The following LNP1 variants were observed in gnomAD, a reference collection of about 807,000 sequenced individuals.
The protein encoded by LNP1 is leukemia NUP98 fusion partner 1.
A neutral mutation model predicts 14.5 loss-of-function variants in LNP1; 12 were observed. The ratio of observed to expected loss-of-function variants is 0.83; its 90% CI spans 0.53 to 1.34. The LOEUF (loss-of-function observed/expected upper bound fraction) is 1.34, where lower values mean the gene tolerates loss of function less well. LNP1 is among the 40% of genes most tolerant of loss of function. The pLI is 0.00. For synonymous variants in LNP1, 75 were observed against 71.4 expected (o/e 1.05, Z -0.26); for missense variants, 198 against 210.9 (o/e 0.94, Z 0.38).
chr3:100,430,007 G>A, intron 2 of LNP1, 122 bp downstream of exon 2: 1 of 961,538 alleles, frequency 1.0e-6, no homozygotes, highest in African/African-American at 1.6e-5. Flanking sequence ...GTACTTCTGA[G>A]TCTTTCTCAT....
Position 100,416,690 on chromosome 3 carries a change from A to T in LNP1, c.-33-13007A>T, listed in dbSNP as rs560158225. ...TTTTTTTAAAAAAAATATTTTGGTT[A>T]AATATATAAATACATTTTTTTGTTT... On this transcript the variant is annotated intron_variant, in intron 1 of 3. Coordinates refer to ENST00000383693, the MANE Select transcript of LNP1 (RefSeq NM_001085451.2). 1.2e-4 allele frequency among the ~76,000 whole-genome samples: 18 copies of T among 145,646 alleles called. No homozygotes were observed. The East Asian group carries it at 2.6e-3, about 21-fold the overall frequency.
intron 2 of LNP1, among the ~76,000 whole-genome samples, chr3:100,449,161 G>C (rs970652805): frequency 6.6e-6 from 1 of 152,066 alleles, no homozygotes; most frequent in Non-Finnish European, 1.5e-5. Flanking sequence ...CTGAGCTTTG[G>C]GCAGAGCCCA....
intron 2 of LNP1, among the ~76,000 whole-genome samples, chr3:100,433,865 T>C (rs1159329280): frequency 2.0e-5 from 3 of 152,240 alleles, no homozygotes; most frequent in Non-Finnish European, 4.4e-5. Flanking sequence ...AAATGTCTTC[T>C]TTTGAGAAGT....
rs192676657 is a variant in LNP1, at chr3:100,444,017, A to G, written c.157-7702A>G. On this transcript the variant is annotated intron_variant, in intron 2 of 3. Transcript: ENST00000383693. ...CAGTGTTTTAGGCAAAAAGTTAAAA[A>G]GATTACTTCAGACTTCTATAATTAG... 8.1e-4 allele frequency among the ~76,000 whole-genome samples: 124 copies of G among 152,360 alleles called. 2 individuals carry two copies. Among genetic ancestry groups the G allele is most frequent in the Non-Finnish European group, 3.5e-4 (24 of 68,040 alleles).
chr3:100,439,913 T>C (rs1345364893), intron 2 of LNP1, among the ~76,000 whole-genome samples: 3 of 152,200 alleles, frequency 2.0e-5, no homozygotes, highest in Non-Finnish European at 2.9e-5. Context: ...AGTTTCTAGG[T>C]ATGCATATCT....
intron 1 of LNP1, among the ~76,000 whole-genome samples, chr3:100,418,355 G>A (rs141937282): frequency 6.3e-4 from 96 of 151,840 alleles, no homozygotes; most frequent in South Asian, 4.0e-3. Flanking sequence ...ACCATGCTCC[G>A]CTTCACATCA....
chr3:100,421,841 C>T (rs1263202610), intron 1 of LNP1, among the ~76,000 whole-genome samples: 1 of 152,110 alleles, frequency 6.6e-6, no homozygotes, highest in Non-Finnish European at 1.5e-5. Context: ...TATGGAGGTT[C>T]AAGTTTTTTT....
chr3:100,406,927 A>G (rs1576224051), intron 1 of LNP1, among the ~76,000 whole-genome samples: 1 of 152,198 alleles, frequency 6.6e-6, no homozygotes. Context: ...AACTTTGATT[A>G]TTTACACATA....
chr3:100,416,265 C>T (rs1707082823), intron 1 of LNP1, among the ~76,000 whole-genome samples: 1 of 152,020 alleles, frequency 6.6e-6, no homozygotes, highest in Non-Finnish European at 1.5e-5. Flanking sequence ...CCATCTGTGG[C>T]TTTGAGTCTT....
At chr3:100,412,100 A>G (rs1707036991) in intron 1 of LNP1, among the ~76,000 whole-genome samples, 1 of 152,194 alleles carries the variant, frequency 6.6e-6, no homozygotes, top group Admixed American at 6.5e-5. Context: ...GCTGAGAAGT[A>G]TGGCGCTGGC....
At chr3:100,417,371 CTTTTTTTTTTTTTTTT>C (rs562000656) in intron 1 of LNP1, among the ~76,000 whole-genome samples, 2 of 64,628 alleles carry the variant, frequency 3.1e-5, no homozygotes, top group African/African-American at 1.1e-4. Context: ...TTTCTTTTTT[CTTTTTTTTTTTTTTTT>C]TTTTTTCGAG....
intron 1 of LNP1, among the ~76,000 whole-genome samples, chr3:100,426,831 T>TAG (rs747992693): frequency 4.6e-5 from 7 of 152,188 alleles, no homozygotes; most frequent in Admixed American, 2.0e-4. Context: ...CTAATACTTC[T>TAG]TATAGAGTAG....
intron 2 of LNP1, among the ~76,000 whole-genome samples, chr3:100,448,969 T>C (rs1412777863): frequency 1.3e-5 from 2 of 152,164 alleles, no homozygotes; most frequent in Non-Finnish European, 2.9e-5. Flanking sequence ...AGGAAACAAC[T>C]CAGGTGAAAA....
intron 1 of LNP1, among the ~76,000 whole-genome samples, chr3:100,409,436 A>G (rs994828646): frequency 6.6e-5 from 10 of 151,332 alleles, no homozygotes; most frequent in Non-Finnish European, 8.8e-5. Context: ...TGAGGTCAGG[A>G]GTTCGAGGCC....
At position 100,402,349 on chromosome 3, in the gene LNP1, A is replaced by G. The variant is rs1706919158; in HGVS notation, c.-124A>G. 1 of 152,210 alleles carries G rather than the reference A, an allele frequency of 6.6e-6. No homozygotes were observed. The highest frequency in any genetic ancestry group is 2.4e-5 in the African/African-American group (1 of 41,448). The allele number at this position is 152,210 out of a possible 1,614,324, so 9.4% of individuals were successfully genotyped here. A position where few individuals can be genotyped will look rare whatever the true frequency, so the allele number is the denominator to read the frequency against. On this transcript the variant is annotated 5_prime_UTR_variant, in exon 1 of 4. Coordinates refer to ENST00000383693, the MANE Select transcript of LNP1 (RefSeq NM_001085451.2). ...AGAGCTACATAAAGATTGAAAGGAG[A>G]TATTTTATCAAGTGGCACCAGAATG...
chr3:100,422,195 T>C (rs1707149594), intron 1 of LNP1, among the ~76,000 whole-genome samples: 1 of 150,730 alleles, frequency 6.6e-6, no homozygotes, highest in East Asian at 1.9e-4. Flanking sequence ...TTTTTTTTTT[T>C]TTTTTTGCTA....
chr3:100,422,694 A>G (rs1215084126), intron 1 of LNP1, among the ~76,000 whole-genome samples: 1 of 152,004 alleles, frequency 6.6e-6, no homozygotes, highest in Non-Finnish European at 1.5e-5. Flanking sequence ...GCCCACCTTT[A>G]GCCAAAATCC....
intron 1 of LNP1, among the ~76,000 whole-genome samples, chr3:100,423,774 CT>C (rs1707167082): frequency 6.6e-6 from 1 of 152,166 alleles, no homozygotes; most frequent in Non-Finnish European, 1.5e-5. Flanking sequence ...GTCGCAGTCA[CT>C]TGGCAGCTTT....
intron 1 of LNP1, among the ~76,000 whole-genome samples, chr3:100,414,339 G>T (rs1707059668): frequency 6.6e-6 from 1 of 152,116 alleles, no homozygotes; most frequent in Non-Finnish European, 1.5e-5. Flanking sequence ...TTGAGGTCAG[G>T]AGGTTGAGAC....
Sources: gnomAD v4.1 joint callset for allele counts (sites outside exome capture counted in the v4.1 genomes callset) on GRCh38, gnomAD v4.1.1 for gene constraint, MANE v1.5 for transcripts, NCBI Gene and HGNC (gene_info 2026-07-23, HGNC 2026-07-21) for gene names.